Variants in CDIN1 observed in about 807,000 individuals in gnomAD.
CDIN1 encodes CDAN1-interacting nuclease 1.
Under a neutral mutation model 45.3 loss-of-function variants are expected in CDIN1, and 33 were observed. The observed-to-expected ratio is 0.73, with a 90% CI of 0.55 to 0.97. The LOEUF (loss-of-function observed/expected upper bound fraction) is 0.97, where lower values mean the gene tolerates loss of function less well. Among genes scored for constraint, CDIN1 ranks in the 50% least tolerant of loss-of-function variants. The probability of loss-of-function intolerance (pLI) is 0.00; values close to 1 mark genes in which losing one functional copy is unlikely to be tolerated. For missense variants in CDIN1, 303 were observed against 339.4 expected, an observed-to-expected ratio of 0.89 and a Z score of 0.84; for synonymous variants, 118 against 124.4, an observed-to-expected ratio of 0.95 and a Z score of 0.34.
At chr15:36,774,637 T>A (rs1226648197) in intron 10 of CDIN1, among the ~76,000 whole-genome samples, 1 of 152,318 alleles carries the variant, frequency 6.6e-6, no homozygotes, top group East Asian at 1.9e-4. Flanking sequence ...CTGCTTTGAC[T>A]TGAGTTTTGT....
At chr15:36,617,852 A>G (rs1452070181) in intron 1 of CDIN1, 1 of 777,854 alleles carries the variant, frequency 1.3e-6, no homozygotes, top group African/African-American at 1.7e-5. Context: ...TAAATCCTTA[A>G]GAGAAGAAGT....
chr15:36,746,858 T>A, intron 10 of CDIN1: 7 of 165,614 alleles, frequency 4.2e-5, no homozygotes, highest in South Asian at 2.2e-4. Flanking sequence ...CAAGTGACCC[T>A]CCCACCTCAG....
chr15:36,783,203 G>T (rs1190451485), intron 10 of CDIN1, among the ~76,000 whole-genome samples: 1 of 152,178 alleles, frequency 6.6e-6, no homozygotes, highest in Non-Finnish European at 1.5e-5. Context: ...AAAATTAAGT[G>T]CACTTTTCTT....
chr15:36,634,528 C>T (rs183036589), intron 1 of CDIN1, among the ~76,000 whole-genome samples: 1 of 152,296 alleles, frequency 6.6e-6, no homozygotes, highest in Non-Finnish European at 1.5e-5. Context: ...TCCATTCTCT[C>T]ATTGGATAGT....
chr15:36,641,305 A>C (rs1346499647), intron 1 of CDIN1: 1 of 152,318 alleles, frequency 6.6e-6, no homozygotes, highest in Non-Finnish European at 1.5e-5. Context: ...CAGCAGTTCC[A>C]CAGTGTCCTC....
At position 36,748,432 on chromosome 15, in the gene CDIN1, T is replaced by G. The variant is rs561229758; in HGVS notation, c.716+38471T>G. On this transcript the variant is annotated intron_variant, in intron 10 of 10. Transcript: ENST00000566621. ...ACACTGCTAAGAATCTGAACACTTC[T>G]GCAGGGCAGAAACCGGTGCACTAAC... Among the ~76,000 whole-genome samples the G allele has an allele frequency of 3.7e-4, 57 of 152,336 alleles. 1 individual carries two copies. The South Asian group carries it at 4.8e-3, about 13-fold the overall frequency.
chr15:36,620,568 C>T (rs1272093060), intron 1 of CDIN1, among the ~76,000 whole-genome samples: 2 of 152,050 alleles, frequency 1.3e-5, no homozygotes, highest in African/African-American at 4.8e-5. Flanking sequence ...TTATATTTGT[C>T]ATTGCTTTGA....
intron 3 of CDIN1, among the ~76,000 whole-genome samples, chr15:36,647,932 C>G (rs190270596): frequency 0.016 from 2,395 of 151,672 alleles, 23 homozygotes; most frequent in South Asian, 0.046. Context: ...CTCCGCCTCC[C>G]GGGCTCACGC....
chr15:36,706,635 G>A (rs74525202), intron 8 of CDIN1: 1 of 151,740 alleles, frequency 6.6e-6, no homozygotes, highest in Non-Finnish European at 1.5e-5. Context: ...AAAAAAAAAG[G>A]TTGACTTCAA....
intron 10 of CDIN1, among the ~76,000 whole-genome samples, chr15:36,807,572 G>A (rs2055272027): frequency 6.6e-6 from 1 of 152,142 alleles, no homozygotes; most frequent in African/African-American, 2.4e-5. Context: ...AGTCTGCCTG[G>A]CGGGGATCAG....
chr15:36,771,230 A>G (rs1400373485), intron 10 of CDIN1, among the ~76,000 whole-genome samples: 1 of 152,200 alleles, frequency 6.6e-6, no homozygotes, highest in South Asian at 2.1e-4. Context: ...AAGGGATAGC[A>G]TTAGGAGAAA....
chr15:36,731,597 T>G (rs1399645822), intron 10 of CDIN1, among the ~76,000 whole-genome samples: 1 of 152,152 alleles, frequency 6.6e-6, no homozygotes, highest in Non-Finnish European at 1.5e-5. Flanking sequence ...CACTTGTAAT[T>G]TTCATCAGCA....
intron 10 of CDIN1, among the ~76,000 whole-genome samples, chr15:36,711,562 G>A (rs1215402237): frequency 6.6e-6 from 1 of 152,144 alleles, no homozygotes; most frequent in Non-Finnish European, 1.5e-5. Context: ...ATTTCCTTTG[G>A]ATTTTATATC....
At chr15:36,608,887 C>A (rs1273985548) in intron 1 of CDIN1, among the ~76,000 whole-genome samples, 1 of 151,844 alleles carries the variant, frequency 6.6e-6, no homozygotes, top group Non-Finnish European at 1.5e-5. Context: ...TTAATTTTTT[C>A]CCTTTTCGCT....
intron 10 of CDIN1, among the ~76,000 whole-genome samples, chr15:36,806,891 GC>G (rs2055246803): frequency 6.6e-6 from 1 of 152,152 alleles, no homozygotes; most frequent in Non-Finnish European, 1.5e-5. Context: ...TGCACAGGTA[GC>G]CTAATTCTAC....
At chr15:36,677,998 T>C (rs1595458991) in intron 5 of CDIN1, among the ~76,000 whole-genome samples, 1 of 152,332 alleles carries the variant, frequency 6.6e-6, no homozygotes, top group Non-Finnish European at 1.5e-5. Context: ...TTTGGAGATA[T>C]CTTCCTCTTG....
intron 7 of CDIN1, among the ~76,000 whole-genome samples, chr15:36,694,844 T>G (rs1394530699): frequency 6.6e-6 from 1 of 152,124 alleles, no homozygotes; most frequent in African/African-American, 2.4e-5. Flanking sequence ...ATGTAAATAA[T>G]TTACAACAAT....
chr15:36,774,133 G>GGGGTGTGT (rs1555407049), intron 10 of CDIN1, among the ~76,000 whole-genome samples: 140 of 138,822 alleles, frequency 1.0e-3, no homozygotes, highest in Non-Finnish European at 1.6e-3. Flanking sequence ...AACTGACAGG[G>GGGGTGTGT]GTGTGTGTGT....
At chr15:36,734,765 A>G (rs2043955852) in intron 10 of CDIN1, among the ~76,000 whole-genome samples, 1 of 152,214 alleles carries the variant, frequency 6.6e-6, no homozygotes, top group Non-Finnish European at 1.5e-5. Context: ...TTACTCTTTC[A>G]TTGAGAATCT....
Sources: allele counts gnomAD v4.1 joint callset (sites outside exome capture counted in the v4.1 genomes callset), GRCh38; gene constraint gnomAD v4.1.1; transcripts MANE v1.5; gene names NCBI Gene and HGNC (gene_info 2026-07-23, HGNC 2026-07-21).